ZNF503: variants seen among roughly 807,000 people sequenced by gnomAD.
The protein encoded by ZNF503 is zinc finger protein 503.
In ZNF503, 15 loss-of-function variants were observed where a neutral mutation model predicts 34.4. The observed-to-expected ratio is 0.44, with a 90% confidence interval of 0.29 to 0.67. The LOEUF (loss-of-function observed/expected upper bound fraction) is 0.67, where lower values mean the gene tolerates loss of function less well. Ranked by LOEUF, ZNF503 falls within the 30% of genes least tolerant of loss-of-function variation. The pLI, the probability that ZNF503 is intolerant of heterozygous loss-of-function variation, is 0.13. For synonymous variants in ZNF503, 580 were observed against 456.8 expected, an observed-to-expected ratio of 1.27 and a Z score of -3.44; for missense variants, 1,007 against 926.8, an observed-to-expected ratio of 1.09 and a Z score of -1.12.
the ZNF503 span, among the ~76,000 whole-genome samples, chr10:75,342,286 G>A: frequency 6.6e-6 from 1 of 152,158 alleles, no homozygotes; most frequent in Non-Finnish European, 1.5e-5. Context: ...ACGAGGGTGG[G>A]TTTCAGCTCC....
chr10:75,380,047 G>T, the ZNF503 span, among the ~76,000 whole-genome samples: 1 of 152,200 alleles, frequency 6.6e-6, no homozygotes, highest in Non-Finnish European at 1.5e-5. Flanking sequence ...GAATAGAAGT[G>T]TGTGAACCAG....
chr10:75,310,049 A>T, the ZNF503 span, among the ~76,000 whole-genome samples: 1 of 152,226 alleles, frequency 6.6e-6, no homozygotes, highest in Non-Finnish European at 1.5e-5. Flanking sequence ...CCATCTTGAA[A>T]AGAAAATGAA....
At chr10:75,338,967 C>T in the ZNF503 span, among the ~76,000 whole-genome samples, 1 of 152,200 alleles carries the variant, frequency 6.6e-6, no homozygotes, top group East Asian at 1.9e-4. Context: ...GTGGCTCATG[C>T]CTGTAATCCT....
chr10:75,393,758 C>G (rs188972963), downstream of ZNF503, among the ~76,000 whole-genome samples: 1,759 of 152,120 alleles, frequency 0.012, 17 homozygotes, highest in South Asian at 0.021. Context: ...ACTCAGGAGA[C>G]TGAGGTGGGA....
chr10:75,348,188 C>T, the ZNF503 span, among the ~76,000 whole-genome samples: 1 of 151,906 alleles, frequency 6.6e-6, no homozygotes, highest in African/African-American at 2.4e-5. Context: ...TCAGCCTCCC[C>T]AATAGCTGGG....
the ZNF503 span, among the ~76,000 whole-genome samples, chr10:75,353,680 G>C: frequency 6.6e-6 from 1 of 152,214 alleles, no homozygotes; most frequent in Non-Finnish European, 1.5e-5. Context: ...GCAAACAGCA[G>C]GGTACCTCCC....
chr10:75,294,430 C>CT, the ZNF503 span, among the ~76,000 whole-genome samples: 32 of 152,318 alleles, frequency 2.1e-4, no homozygotes, highest in African/African-American at 6.7e-4. Context: ...TGGCGTTGGG[C>CT]TTTCGATCCT....
the ZNF503 span, among the ~76,000 whole-genome samples, chr10:75,349,062 T>G: frequency 1.3e-5 from 2 of 152,190 alleles, no homozygotes; most frequent in Non-Finnish European, 2.9e-5. Flanking sequence ...GACACCTTAT[T>G]TCTAAATATT....
chr10:75,344,449 C>T, the ZNF503 span, among the ~76,000 whole-genome samples: 1 of 152,352 alleles, frequency 6.6e-6, no homozygotes, highest in Admixed American at 6.5e-5. Flanking sequence ...TTCAGCCTGG[C>T]TCTAGGAAGT....
the ZNF503 span, among the ~76,000 whole-genome samples, chr10:75,281,506 G>A: frequency 6.6e-6 from 1 of 152,168 alleles, no homozygotes; most frequent in African/African-American, 2.4e-5. Context: ...GAAGGAGACA[G>A]TGATAAGAAC....
At chr10:75,400,948 G>A (rs576361606) in intron 1 of ZNF503, 157 bp downstream of exon 1, 398 of 1,100,146 alleles carry the variant, frequency 3.6e-4, no homozygotes, top group African/African-American at 3.2e-3. Context: ...CCCCTTTTCC[G>A]CCCTAGTTTT....
chr10:75,318,668 CA>C, the ZNF503 span, among the ~76,000 whole-genome samples: 7,580 of 117,240 alleles, frequency 0.065, 233 homozygotes, highest in East Asian at 0.18. Context: ...GATCCTGTCT[CA>C]AAAAAAAAAA....
At chr10:75,348,975 TC>T in the ZNF503 span, among the ~76,000 whole-genome samples, 1 of 152,164 alleles carries the variant, frequency 6.6e-6, no homozygotes, top group African/African-American at 2.4e-5. Flanking sequence ...TCTCTCTCTC[TC>T]CCTTCCTGTT....
chr10:75,390,512 T>C, the ZNF503 span, among the ~76,000 whole-genome samples: 1 of 151,722 alleles, frequency 6.6e-6, no homozygotes, highest in Admixed American at 6.6e-5. Context: ...ATCATTGCAT[T>C]GTACATTGAT....
chr10:75,292,513 G>T, the ZNF503 span, among the ~76,000 whole-genome samples: 1 of 152,208 alleles, frequency 6.6e-6, no homozygotes, highest in African/African-American at 2.4e-5. Context: ...AAGCTCTGGG[G>T]TCCTAGCCTT....
the ZNF503 span, among the ~76,000 whole-genome samples, chr10:75,371,213 G>A: frequency 6.6e-6 from 1 of 152,162 alleles, no homozygotes; most frequent in Non-Finnish European, 1.5e-5. Context: ...GAGAAGCTGA[G>A]TCAGCACCCC....
chr10:75,324,284 TAC>T, the ZNF503 span, among the ~76,000 whole-genome samples: 2 of 151,810 alleles, frequency 1.3e-5, no homozygotes, highest in African/African-American at 2.4e-5. Flanking sequence ...TTTTACATCG[TAC>T]ATTTAGGTGT....
chr10:75,283,932 T>C, the ZNF503 span: 1 of 152,148 alleles, frequency 6.6e-6, no homozygotes, highest in Admixed American at 6.5e-5. Flanking sequence ...GGGCCTGCAT[T>C]TTTCTCATTC....
At chr10:75,281,473 T>C in the ZNF503 span, among the ~76,000 whole-genome samples, 1 of 152,078 alleles carries the variant, frequency 6.6e-6, no homozygotes, top group Non-Finnish European at 1.5e-5. Context: ...TCCTAGCAAG[T>C]GAATCTGCCC....
Sources: allele counts gnomAD v4.1 joint callset (sites outside exome capture counted in the v4.1 genomes callset), GRCh38; gene constraint gnomAD v4.1.1; transcripts MANE v1.5; gene names NCBI Gene and HGNC (gene_info 2026-07-23, HGNC 2026-07-21).